Variants in PDE4D observed in about 807,000 individuals in gnomAD.
The protein encoded by PDE4D is 3',5'-cyclic-AMP phosphodiesterase 4D.
Under a neutral mutation model 87.4 loss-of-function variants are expected in PDE4D, and 24 were observed. That is an observed-to-expected ratio of 0.27 (90% CI 0.20 to 0.39). PDE4D has a LOEUF of 0.39. Ranked by LOEUF, PDE4D falls within the 10% of genes least tolerant of loss-of-function variation. The probability of loss-of-function intolerance (pLI) is 1.00; values close to 1 mark genes in which losing one functional copy is unlikely to be tolerated. For missense variants in PDE4D, 714 were observed against 1,041.0 expected, an observed-to-expected ratio of 0.69 and a Z score of 4.32; for synonymous variants, 384 against 383.2, an observed-to-expected ratio of 1.00 and a Z score of -0.02.
intron 1 of PDE4D, among the ~76,000 whole-genome samples, chr5:59,842,122 A>G (rs1743112922): frequency 6.6e-6 from 1 of 152,024 alleles, no homozygotes; most frequent in African/African-American, 2.4e-5. Context: ...TGGAACATGC[A>G]CAGGAGGGGA....
At chr5:59,606,980 A>G (rs1036830708) in intron 1 of PDE4D, among the ~76,000 whole-genome samples, 2 of 151,982 alleles carry the variant, frequency 1.3e-5, no homozygotes, top group Admixed American at 1.3e-4. Flanking sequence ...GATTTCATAT[A>G]CCTTTGGAAG....
In PDE4D at chr5:59,215,924, T is replaced by TC; in HGVS notation, c.499dup (p.Asp167GlyfsTer34). 6.2e-7 allele frequency: 1 copy of TC among 1,613,272 alleles called. No individual in the cohort carries two copies. The highest frequency in any genetic ancestry group is 8.5e-7 in the Non-Finnish European group (1 of 1,179,524). ...CCCGGATCCTGGGCTGGTCATGGGA[T>TC]CCAAGGGACTCCGTCCCGCAGATGT... On this transcript the variant is annotated frameshift_variant, in exon 2 of 15. Transcript: ENST00000340635. LOFTEE classifies it high-confidence loss of function.
chr5:59,124,471 A>G (rs1775071844), intron 5 of PDE4D, among the ~76,000 whole-genome samples: 1 of 152,106 alleles, frequency 6.6e-6, no homozygotes, highest in African/African-American at 2.4e-5. Flanking sequence ...ACCTCACTGC[A>G]TTTCGCCCTG....
At chr5:59,980,976 G>A (rs1209274377) in intron 3 of PDE4D, among the ~76,000 whole-genome samples, 1 of 152,180 alleles carries the variant, frequency 6.6e-6, no homozygotes, top group Non-Finnish European at 1.5e-5. Flanking sequence ...TTGGGGCCAG[G>A]CATGATGGCT....
chr5:59,464,326 C>T (rs1207032641), intron 1 of PDE4D, among the ~76,000 whole-genome samples: 5 of 152,192 alleles, frequency 3.3e-5, no homozygotes, highest in African/African-American at 7.2e-5. Context: ...CTATAAAACC[C>T]GATTGTACGT....
At chr5:59,280,491 C>T (rs1025294979) in intron 1 of PDE4D, among the ~76,000 whole-genome samples, 3 of 152,080 alleles carry the variant, frequency 2.0e-5, no homozygotes, top group African/African-American at 7.2e-5. Context: ...TTAAAATTTT[C>T]TAAGTGCTGC....
intron 1 of PDE4D, among the ~76,000 whole-genome samples, chr5:60,273,564 G>T (rs1271218882): frequency 6.6e-6 from 1 of 152,196 alleles, no homozygotes; most frequent in African/African-American, 2.4e-5. Context: ...ACAGACTAAA[G>T]GCAGGGAAAT....
intron 6 of PDE4D, among the ~76,000 whole-genome samples, chr5:59,009,950 T>C (rs1752428749): frequency 6.6e-6 from 1 of 152,202 alleles, no homozygotes; most frequent in South Asian, 2.1e-4. Context: ...CCACCATTAT[T>C]TCCCAGAAAA....
rs1725453647 is a variant in PDE4D at position 58,969,920 on chromosome 5, C to G, written c.*4744G>C. The G allele has an allele frequency of 6.6e-6, 1 of 152,088 alleles. No homozygotes were observed. Among genetic ancestry groups the G allele is most frequent in the Non-Finnish European group, 1.5e-5 (1 of 68,018 alleles). 9.4% of individuals were successfully genotyped at this position (152,088 alleles called of 1,614,324 possible). A position where few individuals can be genotyped will look rare whatever the true frequency, so the allele number is the denominator to read the frequency against. On this transcript the variant is annotated 3_prime_UTR_variant, in exon 15 of 15. Transcript: ENST00000340635. ...TAATTTTTAATGTAGCAAAATTACT[C>G]AAGTTGGCTTTATTTGGTTATGAAT...
intron 1 of PDE4D, among the ~76,000 whole-genome samples, chr5:59,831,604 G>A (rs1741263085): frequency 6.6e-6 from 1 of 152,060 alleles, no homozygotes; most frequent in Non-Finnish European, 1.5e-5. Flanking sequence ...TAGTGAGGTT[G>A]CATAGCTTGA....
chr5:59,362,686 C>A lies in PDE4D; in HGVS notation c.456-146718G>T, dbSNP rs184602049. On this transcript the variant is annotated intron_variant, in intron 1 of 14. Transcript: ENST00000340635. Reference sequence around the variant, plus strand: ...ACCAGTTGCAACACTGACTCCAACTCATGCTACCCTTATTGTTGGCCACGT... The same window carrying A: ...ACCAGTTGCAACACTGACTCCAACTAATGCTACCCTTATTGTTGGCCACGT... Among the ~76,000 whole-genome samples the A allele has an allele frequency of 3.9e-5, 6 of 152,276 alleles. No homozygotes were observed. In the South Asian group the frequency reaches 1.0e-3, roughly 26 times the overall value.
chr5:59,277,784 T>C (rs531194132), intron 1 of PDE4D, among the ~76,000 whole-genome samples: 1 of 152,212 alleles, frequency 6.6e-6, no homozygotes, highest in African/African-American at 2.4e-5. Context: ...CTCCCTTCTC[T>C]GTCACACACA....
intron 1 of PDE4D, among the ~76,000 whole-genome samples, chr5:59,537,344 T>C (rs970005067): frequency 3.3e-5 from 5 of 152,226 alleles, no homozygotes; most frequent in Non-Finnish European, 5.9e-5. Context: ...GTATGTCACA[T>C]GAGTAGGTTT....
chr5:60,501,038 T>C (rs898935690), intron 1 of PDE4D, among the ~76,000 whole-genome samples: 1 of 152,026 alleles, frequency 6.6e-6, no homozygotes, highest in Non-Finnish European at 1.5e-5. Flanking sequence ...TTAGGGTACA[T>C]GTGCACAATG....
chr5:58,993,257 T>C (rs1348999346), intron 7 of PDE4D, 115 bp downstream of exon 7: 2 of 553,796 alleles, frequency 3.6e-6, no homozygotes, highest in East Asian at 3.1e-5. Context: ...TGAAAACAAA[T>C]AGAACTTCTA....
At chr5:59,853,083 G>A (rs757458785) in intron 1 of PDE4D, among the ~76,000 whole-genome samples, 83 of 151,696 alleles carry the variant, frequency 5.5e-4, no homozygotes, top group Non-Finnish European at 1.9e-4. Context: ...AAAAACAGCA[G>A]CAAAATAGAA....
intron 1 of PDE4D, among the ~76,000 whole-genome samples, chr5:59,825,205 A>C (rs1162676103): frequency 1.3e-5 from 2 of 152,166 alleles, no homozygotes; most frequent in African/African-American, 4.8e-5. Flanking sequence ...AATGTTAAGC[A>C]TACAAAAGCA....
chr5:59,765,695 A>T (rs1293431091), intron 1 of PDE4D, among the ~76,000 whole-genome samples: 1 of 152,248 alleles, frequency 6.6e-6, no homozygotes, highest in Non-Finnish European at 1.5e-5. Context: ...ATGGAACCAC[A>T]GGATGGTAGA....
intron 5 of PDE4D, among the ~76,000 whole-genome samples, chr5:59,166,938 T>C (rs1431665274): frequency 6.6e-6 from 1 of 152,200 alleles, no homozygotes; most frequent in Non-Finnish European, 1.5e-5. Flanking sequence ...GATGGCTGTT[T>C]TGAGGATCAA....
Sources: gnomAD v4.1 joint callset for allele counts (sites outside exome capture counted in the v4.1 genomes callset) on GRCh38, gnomAD v4.1.1 for gene constraint, MANE v1.5 for transcripts, NCBI Gene and HGNC (gene_info 2026-07-23, HGNC 2026-07-21) for gene names.